The following OSBPL8 variants were observed in gnomAD, a reference collection of about 807,000 sequenced individuals.
OSBPL8 encodes the protein oxysterol-binding protein-related protein 8.
OSBPL8 carries 59 observed loss-of-function variants against 125.5 expected under a neutral mutation model. That is an observed-to-expected ratio of 0.47 (90% CI 0.38 to 0.58). The LOEUF is 0.58. OSBPL8 is among the 20% of genes least tolerant of loss of function. OSBPL8 has a pLI of 0.00. For synonymous variants in OSBPL8, 330 were observed against 338.9 expected, an observed-to-expected ratio of 0.97 and a Z score of 0.29; for missense variants, 758 against 1,047.8, an observed-to-expected ratio of 0.72 and a Z score of 3.82.
At chr12:76,408,733 C>T (rs1954382969) in intron 5 of OSBPL8, among the ~76,000 whole-genome samples, 1 of 152,014 alleles carries the variant, frequency 6.6e-6, no homozygotes, top group African/African-American at 2.4e-5. Context: ...TTTAAGGATC[C>T]ACATATGACT....
At chr12:76,361,809 T>C (rs1486503551) in intron 21 of OSBPL8, among the ~76,000 whole-genome samples, 2 of 152,202 alleles carry the variant, frequency 1.3e-5, no homozygotes, top group African/African-American at 4.8e-5. Context: ...ACCACCCCCT[T>C]GATTCAAATT....
At chr12:76,360,469 G>A (rs902190677) in intron 21 of OSBPL8, among the ~76,000 whole-genome samples, 17 of 152,178 alleles carry the variant, frequency 1.1e-4, no homozygotes, top group African/African-American at 4.1e-4. Context: ...GCTTTTCCAG[G>A]TGCACAGTGC....
intron 1 of OSBPL8, among the ~76,000 whole-genome samples, chr12:76,550,098 G>C (rs1209606995): frequency 6.6e-6 from 1 of 151,892 alleles, no homozygotes; most frequent in Admixed American, 6.6e-5. Context: ...TTGGGGTGTG[G>C]GGGGGCTGGG....
Position 76,378,508 on chromosome 12 carries a change from G to A in OSBPL8, c.1673C>T (p.Thr558Ile). 1.9e-6 allele frequency: 3 copies of A among 1,606,468 alleles called. No homozygotes were observed. Among genetic ancestry groups the A allele is most frequent in the Non-Finnish European group, 1.7e-6 (2 of 1,174,190 alleles). ...SAILEGEARL[T>I]FLNRGEDYVM... ...ATAATCTTCACCTCTATTCAAGAAA[G>A]TTAACCGTGCTTCTCCCTCTAATAT... is the stretch of plus-strand genomic sequence containing the variant. Residue 558 changes from threonine (T) to isoleucine (I), a missense_variant, in exon 16 of 24, where the codon ACT becomes ATT. Thr to Ile is a moderately conservative substitution (Grantham distance 89). Around this residue, in one of 3 missense-constraint regions of OSBPL8, gnomAD observed 572 missense variants for 762.0 expected, o/e 0.75. Coordinates refer to ENST00000261183, the MANE Select transcript of OSBPL8 (RefSeq NM_020841.5).
intron 15 of OSBPL8, among the ~76,000 whole-genome samples, chr12:76,383,304 G>A (rs867204106): frequency 6.6e-6 from 1 of 151,510 alleles, no homozygotes; most frequent in Non-Finnish European, 1.5e-5. Context: ...GATGAAAGGT[G>A]AAGTAGGTAA....
chr12:76,395,098 T>C (rs1466876940), intron 8 of OSBPL8, among the ~76,000 whole-genome samples: 3 of 152,126 alleles, frequency 2.0e-5, no homozygotes, highest in East Asian at 3.9e-4. Context: ...AAAGAAAGCA[T>C]GTGGAAATAG....
At chr12:76,393,606 G>T (rs1302647048) in intron 9 of OSBPL8, among the ~76,000 whole-genome samples, 1 of 147,912 alleles carries the variant, frequency 6.8e-6, no homozygotes, top group African/African-American at 2.5e-5. Flanking sequence ...AGCCACTCGG[G>T]AGACTGAGGC....
Position 76,369,293 on chromosome 12 carries a change from G to A in OSBPL8, c.2249C>T (p.Pro750Leu). 1 of 1,599,676 alleles carries A rather than the reference G, an allele frequency of 6.3e-7. No individual in the cohort carries two copies. Among genetic ancestry groups the A allele is most frequent in the Non-Finnish European group, 8.5e-7 (1 of 1,175,914 alleles). The change falls in exon 21 of 24, where the codon CCA (proline) becomes CTA (leucine). Residue 750 changes from proline to leucine, a missense_variant. Coordinates refer to ENST00000261183, the MANE Select transcript of OSBPL8 (RefSeq NM_020841.5). ...EWHYKFADTRPWDPLNDMIQF... is the reference protein window; with the variant it reads ...EWHYKFADTRLWDPLNDMIQF... ...TATCATATCATTAAGTGGGTCCCAT[G>A]GTCGGGTACTACATAAATGAAAAAA...
At chr12:76,444,566 C>A (rs1281240537) in intron 4 of OSBPL8, among the ~76,000 whole-genome samples, 1 of 152,126 alleles carries the variant, frequency 6.6e-6, no homozygotes, top group African/African-American at 2.4e-5. Flanking sequence ...TAGCTGGGTC[C>A]ACGATGATGA....
intron 3 of OSBPL8, among the ~76,000 whole-genome samples, chr12:76,458,832 T>C (rs1874367891): frequency 6.6e-6 from 1 of 152,180 alleles, no homozygotes; most frequent in Non-Finnish European, 1.5e-5. Context: ...GAAGAAACCT[T>C]TACCATTTTC....
At chr12:76,546,279 T>C (rs961729202) in intron 1 of OSBPL8, among the ~76,000 whole-genome samples, 4 of 152,186 alleles carry the variant, frequency 2.6e-5, no homozygotes, top group Admixed American at 2.0e-4. Context: ...AACAAAATCT[T>C]GCTAGTTAAA....
chr12:76,522,289 T>A (rs1882138492), intron 1 of OSBPL8, among the ~76,000 whole-genome samples: 2 of 151,964 alleles, frequency 1.3e-5, no homozygotes, highest in South Asian at 4.1e-4. Context: ...GAAAAAAAGT[T>A]CTTCAATAAA....
intron 1 of OSBPL8, among the ~76,000 whole-genome samples, chr12:76,539,254 T>C (rs1455656015): frequency 6.6e-6 from 1 of 152,150 alleles, no homozygotes; most frequent in Non-Finnish European, 1.5e-5. Flanking sequence ...CTCAATATTC[T>C]TCTCTATGCG....
intron 21 of OSBPL8, among the ~76,000 whole-genome samples, chr12:76,363,996 A>G (rs1478986942): frequency 6.6e-6 from 1 of 152,236 alleles, no homozygotes; most frequent in Non-Finnish European, 1.5e-5. Flanking sequence ...AAAAGTCAGG[A>G]AACAACAGAT....
chr12:76,431,912 A>G lies in OSBPL8; in HGVS notation c.217+18939T>C, dbSNP rs1489165360. On this transcript the variant is annotated intron_variant, in intron 4 of 23. Coordinates refer to ENST00000261183, the MANE Select transcript of OSBPL8 (RefSeq NM_020841.5). ...CCAACAGACACACAGAATTTCCCCA[A>G]CAGCAGAAGAATACATGTTCTTCTC... Among the ~76,000 whole-genome samples the G allele has an allele frequency of 2.0e-5, 3 of 152,194 alleles. No homozygotes were observed. The East Asian group carries it at 5.8e-4, about 29-fold the overall frequency.
intron 2 of OSBPL8, among the ~76,000 whole-genome samples, chr12:76,476,059 G>A (rs1045982489): frequency 1.3e-5 from 2 of 152,094 alleles, no homozygotes; most frequent in African/African-American, 4.8e-5. Context: ...AGTGTGCTCA[G>A]AACAGAGATA....
chr12:76,493,090 T>C (rs1208309045), intron 1 of OSBPL8, among the ~76,000 whole-genome samples: 1 of 152,192 alleles, frequency 6.6e-6, no homozygotes, highest in Non-Finnish European at 1.5e-5. Context: ...CACCCTATCA[T>C]TTTCCACCAG....
chr12:76,392,619 T>G lies in OSBPL8; in HGVS notation c.891A>C (p.Leu297Phe). ...SDSTHVTFYG[L>F]LRANNLHSGD... ...CACTGTGGAGATTGTTAGCACGTAGTAAGCCATAGAAAGTCACATGTGTGC... is the reference window on the plus strand; with the variant it reads ...CACTGTGGAGATTGTTAGCACGTAGGAAGCCATAGAAAGTCACATGTGTGC... Residue 297 changes from leucine (L) to phenylalanine (F), a missense_variant, in exon 10 of 24, where the codon TTA becomes TTC. Coordinates refer to ENST00000261183, the MANE Select transcript of OSBPL8 (RefSeq NM_020841.5). 6.2e-7 allele frequency: 1 copy of G among 1,613,924 alleles called. No homozygotes were observed. Among genetic ancestry groups the G allele is most frequent in the Non-Finnish European group, 8.5e-7 (1 of 1,179,818 alleles).
chr12:76,434,243 T>C (rs1339887820), intron 4 of OSBPL8, among the ~76,000 whole-genome samples: 1 of 151,918 alleles, frequency 6.6e-6, no homozygotes, highest in Non-Finnish European at 1.5e-5. Flanking sequence ...GCCAAGAACA[T>C]ACAATGAGGA....
Sources: gnomAD v4.1 joint callset for allele counts (sites outside exome capture counted in the v4.1 genomes callset) on GRCh38, gnomAD v4.1.1 for gene constraint, gnomAD v4.1.1 regional missense constraint, MANE v1.5 for transcripts, NCBI Gene and HGNC (gene_info 2026-07-23, HGNC 2026-07-21) for gene names.